The following TTLL11 variants were observed in gnomAD, a reference collection of about 807,000 sequenced individuals.
TTLL11 encodes the protein tubulin polyglutamylase TTLL11.
A neutral mutation model predicts 51.7 loss-of-function variants in TTLL11; 42 were observed. The observed-to-expected ratio is 0.81, with a 90% CI of 0.64 to 1.05. TTLL11 has a LOEUF of 1.05. TTLL11 is among the 50% of genes least tolerant of loss of function. TTLL11 has a pLI of 0.00. For missense variants in TTLL11, 799 were observed against 940.4 expected, an observed-to-expected ratio of 0.85 and a Z score of 1.97; for synonymous variants, 381 against 383.5, an observed-to-expected ratio of 0.99 and a Z score of 0.08.
chr9:121,828,552 T>G (rs79015854), intron 8 of TTLL11, among the ~76,000 whole-genome samples: 2,604 of 152,288 alleles, frequency 0.017, 63 homozygotes, highest in African/African-American at 0.059. Context: ...AACCATTATT[T>G]TAATGGTTGC....
At chr9:122,046,314 G>T (rs2131838688) in intron 1 of TTLL11, among the ~76,000 whole-genome samples, 1 of 152,214 alleles carries the variant, frequency 6.6e-6, no homozygotes, top group Middle Eastern at 3.4e-3. Flanking sequence ...CTCCAGCCAT[G>T]TAAGACACCT....
chr9:121,999,395 C>A (rs1202384551), intron 3 of TTLL11, among the ~76,000 whole-genome samples: 3 of 152,144 alleles, frequency 2.0e-5, no homozygotes. Flanking sequence ...CTCAAATCTA[C>A]CCCTCCTGTG....
At chr9:122,030,202 TG>T (rs35688566) in intron 3 of TTLL11, among the ~76,000 whole-genome samples, 5,235 of 78,336 alleles carry the variant, frequency 0.067, 172 homozygotes, top group South Asian at 0.13. Flanking sequence ...AGAGAGACAT[TG>T]GGGGGGGGGG....
chr9:121,975,632 A>C (rs1842688029), intron 4 of TTLL11, among the ~76,000 whole-genome samples: 2 of 152,282 alleles, frequency 1.3e-5, no homozygotes, highest in South Asian at 4.1e-4. Context: ...TAATTGCTTG[A>C]ACCCAGGAGG....
chr9:122,083,631 G>A (rs938682715), intron 1 of TTLL11, among the ~76,000 whole-genome samples: 1 of 152,106 alleles, frequency 6.6e-6, no homozygotes, highest in African/African-American at 2.4e-5. Context: ...CTAACATGGT[G>A]AAACCCCGTC....
At chr9:121,982,717 CA>C (rs71371907) in intron 4 of TTLL11, among the ~76,000 whole-genome samples, 26,657 of 97,138 alleles carry the variant, frequency 0.27, 2,599 homozygotes, top group Middle Eastern at 0.31. Context: ...AACTCCAACT[CA>C]AAAAAAAAAA....
intron 2 of TTLL11, among the ~76,000 whole-genome samples, chr9:122,032,611 G>A: frequency 6.7e-6 from 1 of 149,358 alleles, no homozygotes; most frequent in Admixed American, 6.7e-5. Context: ...TCGAGCCACT[G>A]CACTCCAGTC....
chr9:121,955,634 C>G (rs564907244), intron 6 of TTLL11, among the ~76,000 whole-genome samples: 1 of 152,292 alleles, frequency 6.6e-6, no homozygotes, highest in African/African-American at 2.4e-5. Flanking sequence ...GAGTCAAACC[C>G]AGGCCCACTG....
intron 2 of TTLL11, among the ~76,000 whole-genome samples, chr9:122,033,592 A>C (rs1415616329): frequency 6.6e-6 from 1 of 152,210 alleles, no homozygotes; most frequent in Non-Finnish European, 1.5e-5. Context: ...CACACATTCC[A>C]AATGGGCAGT....
intron 6 of TTLL11, among the ~76,000 whole-genome samples, chr9:121,900,294 C>T (rs1358045317): frequency 6.6e-6 from 1 of 152,228 alleles, no homozygotes; most frequent in Non-Finnish European, 1.5e-5. Context: ...TCTCTGAGCA[C>T]TCAAACAGAT....
chr9:122,055,330 G>A (rs560543593), intron 1 of TTLL11, among the ~76,000 whole-genome samples: 5 of 152,294 alleles, frequency 3.3e-5, no homozygotes, highest in Admixed American at 2.6e-4. Flanking sequence ...AAGCCAGACC[G>A]AATCCCAAAG....
chr9:122,087,863 T>A (rs115340067), intron 1 of TTLL11, among the ~76,000 whole-genome samples: 1 of 152,220 alleles, frequency 6.6e-6, no homozygotes, highest in Non-Finnish European at 1.5e-5. Context: ...TGTTGCAACA[T>A]CAGTGGTGAC....
At chr9:121,972,876 G>A (rs1842611871) in intron 6 of TTLL11, among the ~76,000 whole-genome samples, 1 of 152,390 alleles carries the variant, frequency 6.6e-6, no homozygotes, top group South Asian at 2.1e-4. Flanking sequence ...AGCCCAGGTG[G>A]TGAGAAGCCT....
At chr9:121,867,253 G>A (rs751983751) in intron 7 of TTLL11, among the ~76,000 whole-genome samples, 8 of 152,190 alleles carry the variant, frequency 5.3e-5, no homozygotes, top group Non-Finnish European at 1.2e-4. Context: ...ATTTGTAGAT[G>A]TGTATTGAGA....
intron 6 of TTLL11, among the ~76,000 whole-genome samples, chr9:121,965,254 C>A (rs1399764915): frequency 6.6e-6 from 1 of 152,098 alleles, no homozygotes; most frequent in Non-Finnish European, 1.5e-5. Context: ...CTACTTGAGA[C>A]TGGGTAATTT....
intron 1 of TTLL11, among the ~76,000 whole-genome samples, chr9:122,083,670 T>C (rs1453892987): frequency 6.6e-6 from 1 of 151,950 alleles, no homozygotes; most frequent in African/African-American, 2.4e-5. Context: ...ATTAGCCAGG[T>C]GTGGTGGCAT....
intron 6 of TTLL11, among the ~76,000 whole-genome samples, chr9:121,912,643 C>G (rs1432966646): frequency 6.6e-6 from 1 of 152,098 alleles, no homozygotes; most frequent in Admixed American, 6.6e-5. Flanking sequence ...CCTATTGGAT[C>G]TGGGAGCATC....
At chr9:121,969,614 C>T (rs1229203833) in intron 6 of TTLL11, among the ~76,000 whole-genome samples, 2 of 152,188 alleles carry the variant, frequency 1.3e-5, no homozygotes, top group Non-Finnish European at 2.9e-5. Context: ...CAAGAAATAA[C>T]TAATGATGGA....
At chr9:121,849,483 A>G (rs565755469) in intron 8 of TTLL11, among the ~76,000 whole-genome samples, 11 of 152,356 alleles carry the variant, frequency 7.2e-5, no homozygotes, top group Admixed American at 5.2e-4. Flanking sequence ...GACTGGGAGA[A>G]AAGTATATGC....
Sources: allele counts gnomAD v4.1 joint callset (sites outside exome capture counted in the v4.1 genomes callset), GRCh38; gene constraint gnomAD v4.1.1; transcripts MANE v1.5; gene names NCBI Gene and HGNC (gene_info 2026-07-23, HGNC 2026-07-21).